The following ZNF407 variants were observed in gnomAD, a reference collection of about 807,000 sequenced individuals.
ZNF407 encodes the protein zinc finger protein 407.
Under a neutral mutation model 131.2 loss-of-function variants are expected in ZNF407, and 17 were observed. That is an observed-to-expected ratio of 0.13 (90% CI 0.09 to 0.19). ZNF407 has a LOEUF of 0.19. Among genes scored for constraint, ZNF407 ranks in the 10% least tolerant of loss-of-function variants. The pLI is 1.00. For synonymous variants in ZNF407, 1,156 were observed against 1,062.0 expected (o/e 1.09, Z -1.72); for missense variants, 2,681 against 2,830.6 (o/e 0.95, Z 1.20).
At chr18:74,655,864 C>T (rs1468558451) in intron 3 of ZNF407, among the ~76,000 whole-genome samples, 1 of 152,010 alleles carries the variant, frequency 6.6e-6, no homozygotes, top group Non-Finnish European at 1.5e-5. Flanking sequence ...TTGTGTGATA[C>T]GATGAGACTG....
intron 3 of ZNF407, among the ~76,000 whole-genome samples, chr18:74,643,767 T>G (rs1984833614): frequency 6.6e-6 from 1 of 152,030 alleles, no homozygotes; most frequent in Non-Finnish European, 1.5e-5. Flanking sequence ...GCTCATCAAC[T>G]GCACGTTTTG....
At chr18:74,897,805 G>C (rs933863015) in intron 7 of ZNF407, among the ~76,000 whole-genome samples, 1 of 152,188 alleles carries the variant, frequency 6.6e-6, no homozygotes, top group South Asian at 2.1e-4. Context: ...GCTGACAGAA[G>C]TCACCTATGC....
chr18:74,878,973 A>G (rs1198324384), intron 5 of ZNF407, among the ~76,000 whole-genome samples: 1 of 152,038 alleles, frequency 6.6e-6, no homozygotes, highest in African/African-American at 2.4e-5. Context: ...TATACAATAC[A>G]TTGGAGACTA....
chr18:75,028,416 A>T (rs1481215628), intron 8 of ZNF407, among the ~76,000 whole-genome samples: 1 of 152,122 alleles, frequency 6.6e-6, no homozygotes, highest in Non-Finnish European at 1.5e-5. Context: ...ACATTCGATT[A>T]GGGCCCACTC....
At chr18:74,750,721 G>A (rs1467362734) in intron 3 of ZNF407, among the ~76,000 whole-genome samples, 4 of 152,026 alleles carry the variant, frequency 2.6e-5, no homozygotes, top group Non-Finnish European at 4.4e-5. Context: ...CAGTTTTCTC[G>A]GGTATATAGG....
intron 3 of ZNF407, among the ~76,000 whole-genome samples, chr18:74,732,319 A>G (rs972866548): frequency 6.6e-6 from 1 of 152,154 alleles, no homozygotes; most frequent in Non-Finnish European, 1.5e-5. Flanking sequence ...ACCAGGGTTC[A>G]CTACAAGTAC....
chr18:74,633,766 G>C lies in ZNF407; in HGVS notation c.2747G>C (p.Ser916Thr). Residue 916 changes from serine (S) to threonine (T), a missense_variant, in exon 2 of 9, where the codon AGT (serine) becomes ACT (threonine). Physicochemically the swap from Ser to Thr is moderately conservative, Grantham distance 58. Transcript: ENST00000299687. The part of the protein sequence containing the change: ...RVEIEASGKH[S>T]SDIIVGPEGG... ...GAAATAGAAGCAAGTGGAAAACACA[G>C]TTCAGATATCATTGTTGGCCCTGAA... The C allele has an allele frequency of 1.2e-6, 2 of 1,613,972 alleles. No individual in the cohort carries two copies. Among genetic ancestry groups the C allele is most frequent in the South Asian group, 1.1e-5 (1 of 91,064 alleles).
chr18:74,824,528 G>T (rs549377523), intron 4 of ZNF407, among the ~76,000 whole-genome samples: 9 of 151,998 alleles, frequency 5.9e-5, no homozygotes, highest in Non-Finnish European at 1.3e-4. Flanking sequence ...ATGATAAAGG[G>T]ATATCACCAC....
At chr18:74,896,604 T>G (rs542551353) in intron 7 of ZNF407, among the ~76,000 whole-genome samples, 1 of 152,116 alleles carries the variant, frequency 6.6e-6, no homozygotes, top group Non-Finnish European at 1.5e-5. Context: ...TAGATGTCAG[T>G]GTGGTGGCTG....
intron 4 of ZNF407, among the ~76,000 whole-genome samples, chr18:74,854,607 C>G (rs183712630): frequency 6.6e-6 from 1 of 151,840 alleles, no homozygotes; most frequent in African/African-American, 2.4e-5. Context: ...AAATAATCTC[C>G]CCCTTTAAAA....
chr18:74,633,722 G>C lies in ZNF407; in HGVS notation c.2703G>C (p.Lys901Asn), dbSNP rs1335011165. The C allele has an allele frequency of 1.9e-6, 3 of 1,614,000 alleles. No individual in the cohort carries two copies. In the South Asian group the frequency reaches 3.3e-5, roughly 18 times the overall value. The change falls in exon 2 of 9, where the codon AAG becomes AAC. Residue 901 changes from lysine (K) to asparagine (N), a missense_variant. Around this residue, in one of 6 missense-constraint regions of ZNF407, gnomAD observed 1,789 missense variants for 1,748.7 expected, o/e 1.02. Transcript: ENST00000299687. Reference sequence around the variant, plus strand: ...ATATGGAACGTCATTGTGCCACCAAGAAACATAAAGGACGGGTAGAAATAG... The same window carrying C: ...ATATGGAACGTCATTGTGCCACCAACAAACATAAAGGACGGGTAGAAATAG... The part of the protein sequence containing the change: ...KGDMERHCAT[K>N]KHKGRVEIEA...
intron 8 of ZNF407, among the ~76,000 whole-genome samples, chr18:75,008,557 A>G (rs1385882634): frequency 6.6e-6 from 1 of 152,202 alleles, no homozygotes; most frequent in Admixed American, 6.5e-5. Flanking sequence ...CGTTGCAAAT[A>G]TGGTTGCAAA....
chr18:74,976,417 G>T (rs1158803342), intron 8 of ZNF407, among the ~76,000 whole-genome samples: 1 of 152,178 alleles, frequency 6.6e-6, no homozygotes, highest in East Asian at 1.9e-4. Flanking sequence ...GGGTTTCTCT[G>T]TACAGGTCCA....
chr18:74,830,117 C>T (rs1274558283), intron 4 of ZNF407, among the ~76,000 whole-genome samples: 1 of 152,104 alleles, frequency 6.6e-6, no homozygotes, highest in Non-Finnish European at 1.5e-5. Flanking sequence ...AGAAGAGAGG[C>T]CTCAGGAGAC....
intron 3 of ZNF407, among the ~76,000 whole-genome samples, chr18:74,717,089 GTA>G (rs1229711335): frequency 3.9e-5 from 6 of 152,184 alleles, no homozygotes; most frequent in African/African-American, 1.4e-4. Context: ...ATATGTGTAT[GTA>G]TGTGTACGCA....
intron 3 of ZNF407, among the ~76,000 whole-genome samples, chr18:74,709,437 T>G (rs1967705219): frequency 6.6e-6 from 1 of 152,220 alleles, no homozygotes; most frequent in Admixed American, 6.5e-5. Context: ...CTGTAATATC[T>G]GATTACTTTG....
rs745535644 is a variant in ZNF407 at position 74,864,048 on chromosome 18, G to A, written c.4878-13149G>A. On this transcript the variant is annotated intron_variant, in intron 4 of 8. Coordinates refer to ENST00000299687, the MANE Select transcript of ZNF407 (RefSeq NM_017757.3). ...CTTTATTCCTGAGGATAATTAAATA[G>A]CATTTGGAGTGCATGTAGACTCTAT... Among the ~76,000 whole-genome samples, 142 of 151,018 alleles carry A rather than the reference G, an allele frequency of 9.4e-4. 2 individuals carry two copies. The highest frequency in any genetic ancestry group is 3.2e-3 in the Admixed American group (49 of 15,256).
intron 8 of ZNF407, among the ~76,000 whole-genome samples, chr18:74,975,309 G>A (rs898293606): frequency 2.6e-5 from 4 of 152,154 alleles, no homozygotes; most frequent in African/African-American, 9.7e-5. Flanking sequence ...TTGTGGTTAG[G>A]CATTTAAATA....
At position 74,979,543 on chromosome 18, in the gene ZNF407, C is replaced by G. The variant is rs530902798; in HGVS notation, c.5428+58851C>G. 1.4e-4 allele frequency among the ~76,000 whole-genome samples: 22 copies of G among 152,266 alleles called. No individual in the cohort carries two copies. In the East Asian group the frequency reaches 3.5e-3, roughly 24 times the overall value. On this transcript the variant is annotated intron_variant, in intron 8 of 8. Coordinates refer to ENST00000299687, the MANE Select transcript of ZNF407 (RefSeq NM_017757.3). ...CTGACCTCAGGTAATCCACCCACCTCGGCCTCCCAAAGTGCTGGGATTACA... is the reference window on the plus strand; with the variant it reads ...CTGACCTCAGGTAATCCACCCACCTGGGCCTCCCAAAGTGCTGGGATTACA...
Sources: allele counts gnomAD v4.1 joint callset (sites outside exome capture counted in the v4.1 genomes callset), GRCh38; gene constraint gnomAD v4.1.1; regional missense constraint gnomAD v4.1.1; transcripts MANE v1.5; gene names NCBI Gene and HGNC (gene_info 2026-07-23, HGNC 2026-07-21).